Variants in NSRP1 observed in about 807,000 individuals in gnomAD.
The protein encoded by NSRP1 is nuclear speckle splicing regulatory protein 1, also known as coiled-coil domain containing 55.
In NSRP1, 24 loss-of-function variants were observed where a neutral mutation model predicts 54.7. The ratio of observed to expected loss-of-function variants is 0.44; its 90% confidence interval spans 0.32 to 0.62. The LOEUF is 0.62. NSRP1 is among the 20% of genes least tolerant of loss of function. The pLI, the probability that NSRP1 is intolerant of heterozygous loss-of-function variation, is 0.06. For synonymous variants in NSRP1, 210 were observed against 213.8 expected, an observed-to-expected ratio of 0.98 and a Z score of 0.15; for missense variants, 596 against 651.2, an observed-to-expected ratio of 0.92 and a Z score of 0.92.
intron 2 of NSRP1, among the ~76,000 whole-genome samples, chr17:30,130,506 TTAAA>T (rs1442489392): frequency 1.3e-5 from 2 of 152,210 alleles, no homozygotes; most frequent in Non-Finnish European, 2.9e-5. Flanking sequence ...TTTTTGATTG[TTAAA>T]TAATGCTTGC....
At chr17:30,145,188 A>T (rs180930034) in intron 2 of NSRP1, among the ~76,000 whole-genome samples, 54 of 152,296 alleles carry the variant, frequency 3.5e-4, no homozygotes, top group Admixed American at 3.0e-3. Context: ...ATATTATTTT[A>T]AAAAATTCTC....
intron 2 of NSRP1, among the ~76,000 whole-genome samples, chr17:30,162,532 C>A (rs547569768): frequency 6.6e-6 from 1 of 152,206 alleles, no homozygotes; most frequent in South Asian, 2.1e-4. Flanking sequence ...TAAAAAAGAA[C>A]AGGAAGTTCT....
intron 2 of NSRP1, among the ~76,000 whole-genome samples, chr17:30,170,004 T>A (rs1212640226): frequency 1.3e-5 from 2 of 152,140 alleles, no homozygotes; most frequent in Non-Finnish European, 2.9e-5. Context: ...TCGTTTTTTT[T>A]TAAACAGCAG....
chr17:30,122,916 T>G (rs1251946705), intron 2 of NSRP1, among the ~76,000 whole-genome samples: 2 of 152,116 alleles, frequency 1.3e-5, no homozygotes, highest in Non-Finnish European at 2.9e-5. Flanking sequence ...TTTTTGTTTT[T>G]GGAGAAATGT....
chr17:30,182,516 C>T (rs1905342324), intron 6 of NSRP1, among the ~76,000 whole-genome samples: 1 of 151,896 alleles, frequency 6.6e-6, no homozygotes, highest in African/African-American at 2.4e-5. Context: ...GTGGCACATG[C>T]CTGTAATCCC....
intron 3 of NSRP1, among the ~76,000 whole-genome samples, chr17:30,174,336 A>G (rs763856809): frequency 2.6e-5 from 4 of 152,154 alleles, no homozygotes; most frequent in Non-Finnish European, 5.9e-5. Context: ...CACCTATATT[A>G]CATACTTTTC....
intron 2 of NSRP1, among the ~76,000 whole-genome samples, chr17:30,136,181 CAA>C (rs889676316): frequency 1.3e-5 from 2 of 152,094 alleles, no homozygotes; most frequent in Non-Finnish European, 2.9e-5. Context: ...AAACAAAAAA[CAA>C]AAAGAGTATT....
Position 30,178,187 on chromosome 17 carries a change from G to A in NSRP1, c.288G>A (p.Gly96=). The A allele has an allele frequency of 6.2e-7, 1 of 1,602,982 alleles. No individual in the cohort carries two copies. Among genetic ancestry groups the A allele is most frequent in the Non-Finnish European group, 8.5e-7 (1 of 1,177,380 alleles). The change falls in exon 4 of 7, where the codon GGG becomes GGA. Residue 96 remains glycine (G), a synonymous_variant. Coordinates refer to ENST00000247026, the MANE Select transcript of NSRP1 (RefSeq NM_032141.4). The stretch of plus-strand genomic sequence containing the variant: ...AAAATAATCCCAAATTGCTTTTGGG[G>A]AAAGACAGAAAGGTTTGTAAGCTGA... ...KEENNPKLLL[G]KDRKPKYIHN...
Position 30,185,406 on chromosome 17 carries a change from A to G in NSRP1, c.1409A>G (p.Glu470Gly). Reference protein sequence around the residue: ...SRAKDKFLDQERSNKMRNMAK... With the variant: ...SRAKDKFLDQGRSNKMRNMAK... ...GCAAAGGATAAATTTCTTGACCAAG[A>G]AAGATCCAACAAAATGAGAAACATG... The change falls in exon 7 of 7, where the codon GAA (glutamate) becomes GGA (glycine). Residue 470 changes from glutamate to glycine, a missense_variant. Transcript: ENST00000247026. 11 of 1,611,110 alleles carry G rather than the reference A, an allele frequency of 6.8e-6. No individual in the cohort carries two copies. The highest frequency in any genetic ancestry group is 9.3e-6 in the Non-Finnish European group (11 of 1,179,372).
At chr17:30,124,183 T>G (rs1597593015) in intron 2 of NSRP1, among the ~76,000 whole-genome samples, 1 of 151,966 alleles carries the variant, frequency 6.6e-6, no homozygotes, top group Non-Finnish European at 1.5e-5. Context: ...GAGAATTGCT[T>G]GAGCCCAGGT....
intron 6 of NSRP1, 65 bp from the exon 7 acceptor site, chr17:30,184,550 C>A: frequency 2.0e-6 from 3 of 1,496,980 alleles, no homozygotes; most frequent in Non-Finnish European, 2.7e-6. Context: ...ATGAACCCTT[C>A]ATTTGCTTAT....
chr17:30,177,040 CG>C (rs926894887), intron 3 of NSRP1, among the ~76,000 whole-genome samples: 25 of 150,374 alleles, frequency 1.7e-4, no homozygotes, highest in African/African-American at 5.9e-4. Context: ...AATTTACAAC[CG>C]GGGGCAAAAG....
intron 4 of NSRP1, 101 bp downstream of exon 4, chr17:30,178,300 A>G: frequency 1.5e-6 from 2 of 1,332,786 alleles, no homozygotes; most frequent in South Asian, 1.5e-5. Context: ...GCTTTTAGGT[A>G]TGTGAGGTGT....
intron 1 of NSRP1, chr17:30,117,344 G>A (rs931780590): frequency 1.8e-6 from 1 of 545,696 alleles, no homozygotes; most frequent in Non-Finnish European, 3.2e-6. Flanking sequence ...TAGGCATATA[G>A]GAAATTGGGG....
intron 3 of NSRP1, among the ~76,000 whole-genome samples, chr17:30,177,545 C>T (rs550477056): frequency 6.6e-6 from 1 of 152,014 alleles, no homozygotes; most frequent in African/African-American, 2.4e-5. Context: ...AAAAAAACAT[C>T]ATTTGAGATG....
intron 3 of NSRP1, among the ~76,000 whole-genome samples, chr17:30,175,281 T>G (rs1475469444): frequency 2.0e-5 from 3 of 152,224 alleles, no homozygotes; most frequent in African/African-American, 7.2e-5. Context: ...ATTTTCTGAT[T>G]TGCATTATGA....
At chr17:30,142,744 T>C (rs959801407) in intron 2 of NSRP1, among the ~76,000 whole-genome samples, 4 of 152,256 alleles carry the variant, frequency 2.6e-5, no homozygotes, top group African/African-American at 9.6e-5. Flanking sequence ...ATTAGTGGTC[T>C]GAAAGTTTCC....
chr17:30,185,341 A>C lies in NSRP1; in HGVS notation c.1344A>C (p.Glu448Asp), dbSNP rs200205592. ...EKREVGVQSS[E>D]RNQDRKESSP... ...GAGAGGTAGGTGTTCAGTCTTCAGA[A>C]AGAAATCAAGACAGAAAGGAAAGCA... The change falls in exon 7 of 7, where the codon GAA becomes GAC. Residue 448 changes from glutamate (E) to aspartate (D), a missense_variant. Transcript: ENST00000247026. The C allele has an allele frequency of 1.9e-6, 3 of 1,610,914 alleles. No homozygotes were observed. Among genetic ancestry groups the C allele is most frequent in the Non-Finnish European group, 2.5e-6 (3 of 1,179,210 alleles).
At chr17:30,183,638 T>C (rs151282648) in intron 6 of NSRP1, among the ~76,000 whole-genome samples, 1 of 152,206 alleles carries the variant, frequency 6.6e-6, no homozygotes, top group Non-Finnish European at 1.5e-5. Context: ...AGTAAGTGAT[T>C]AGTAAGAATC....
Sources: allele counts gnomAD v4.1 joint callset (sites outside exome capture counted in the v4.1 genomes callset), GRCh38; gene constraint gnomAD v4.1.1; transcripts MANE v1.5; gene names NCBI Gene and HGNC (gene_info 2026-07-23, HGNC 2026-07-21).